WDHD1: variants seen among roughly 807,000 people sequenced by gnomAD.
WDHD1 encodes WD repeat and HMG-box DNA-binding protein 1.
WDHD1 carries 111 observed loss-of-function variants against 135.4 expected under a neutral mutation model. That is an observed-to-expected ratio of 0.82 (90% CI 0.70 to 0.96). The LOEUF is 0.96. Among genes scored for constraint, WDHD1 ranks in the 40% least tolerant of loss-of-function variants. WDHD1 has a pLI of 0.00. For synonymous variants in WDHD1, 434 were observed against 439.0 expected, an observed-to-expected ratio of 0.99 and a Z score of 0.14; for missense variants, 1,351 against 1,336.3, an observed-to-expected ratio of 1.01 and a Z score of -0.17.
At chr14:55,003,382 G>A (rs1219583671) in intron 7 of WDHD1, among the ~76,000 whole-genome samples, 3 of 151,780 alleles carry the variant, frequency 2.0e-5, no homozygotes, top group Non-Finnish European at 4.4e-5. Flanking sequence ...TTGTGGGCGC[G>A]TGCCTCTAGT....
intron 18 of WDHD1, among the ~76,000 whole-genome samples, chr14:54,963,674 C>T (rs1351288213): frequency 6.6e-6 from 1 of 151,960 alleles, no homozygotes; most frequent in African/African-American, 2.4e-5. Context: ...GTGGCGTGCG[C>T]CTGTAATCCC....
Position 54,991,228 on chromosome 14 carries a change from G to T in WDHD1, c.1326C>A (p.Leu442=). 1 of 1,531,560 alleles carries T rather than the reference G, an allele frequency of 6.5e-7. No individual in the cohort carries two copies. Among genetic ancestry groups the T allele is most frequent in the Non-Finnish European group, 8.9e-7 (1 of 1,128,982 alleles). 94.9% of individuals were successfully genotyped at this position (1,531,560 alleles called of 1,614,324 possible). The change falls in exon 12 of 26, where the codon CTC becomes CTA. Residue 442 remains leucine, a synonymous_variant. Coordinates refer to ENST00000360586, the MANE Select transcript of WDHD1 (RefSeq NM_007086.4). ...CAAGTCTTACCATGAATCTGTGAGTGAGATGCAACGGTGTAGAACCTGACT... is the reference window on the plus strand; with the variant it reads ...CAAGTCTTACCATGAATCTGTGAGTTAGATGCAACGGTGTAGAACCTGACT... The part of the protein sequence containing the change: ...PFQSGSTPLH[L]THRFMVWNSI...
At chr14:55,008,189 G>C in intron 6 of WDHD1, 127 bp downstream of exon 6, 1 of 858,544 alleles carries the variant, frequency 1.2e-6, no homozygotes, top group Non-Finnish European at 1.8e-6. Flanking sequence ...CACAAAAACA[G>C]TATTTAATGG....
At chr14:55,000,035 G>C (rs79201207) in intron 10 of WDHD1, among the ~76,000 whole-genome samples, 5,162 of 152,272 alleles carry the variant, frequency 0.034, 284 homozygotes, top group African/African-American at 0.12. Context: ...TCTGCAATCT[G>C]TAACCAGAAG....
At chr14:54,960,509 T>C (rs2041233890) in intron 21 of WDHD1, among the ~76,000 whole-genome samples, 1 of 151,286 alleles carries the variant, frequency 6.6e-6, no homozygotes, top group African/African-American at 2.4e-5. Flanking sequence ...CTTCTTCTTA[T>C]TATTATTTTA....
intron 18 of WDHD1, among the ~76,000 whole-genome samples, chr14:54,966,162 A>G (rs1450099185): frequency 3.1e-4 from 12 of 38,768 alleles, no homozygotes; most frequent in Non-Finnish European, 7.8e-4. Flanking sequence ...CCCCATCTCT[A>G]CTAAAAAAAA....
chr14:54,982,309 G>A (rs919455846), intron 15 of WDHD1, among the ~76,000 whole-genome samples: 1 of 152,012 alleles, frequency 6.6e-6, no homozygotes, highest in Non-Finnish European at 1.5e-5. Context: ...GCGCCCGGCC[G>A]ATAATAATTT....
At chr14:54,977,085 T>C (rs2041537108) in intron 16 of WDHD1, among the ~76,000 whole-genome samples, 1 of 151,560 alleles carries the variant, frequency 6.6e-6, no homozygotes, top group Non-Finnish European at 1.5e-5. Flanking sequence ...AAAAATAAGG[T>C]TGTTTTTTTT....
chr14:54,992,234 T>C (rs916261620), intron 11 of WDHD1, among the ~76,000 whole-genome samples: 1 of 151,926 alleles, frequency 6.6e-6, no homozygotes, highest in Non-Finnish European at 1.5e-5. Flanking sequence ...CTCAGGCCTG[T>C]AATCCCAGCA....
chr14:55,005,540 T>G, intron 7 of WDHD1: 3 of 585,670 alleles, frequency 5.1e-6, no homozygotes, highest in South Asian at 4.3e-5. Flanking sequence ...CCTCTTCAGA[T>G]TTATGATGTA....
intron 2 of WDHD1, among the ~76,000 whole-genome samples, chr14:55,021,960 C>T (rs144917629): frequency 1.0e-3 from 154 of 152,266 alleles, no homozygotes; most frequent in African/African-American, 3.5e-3. Flanking sequence ...GGTTCTCTTC[C>T]ATAGCAATGA....
chr14:54,991,212 C>CCGGAA lies in WDHD1; in HGVS notation c.1341_1341+1insTTCCG (p.Val448PhefsTer21). The CCGGAA allele has an allele frequency of 6.9e-7, 1 of 1,438,968 alleles. No homozygotes were observed. The highest frequency in any genetic ancestry group is 1.4e-5 in the South Asian group (1 of 72,762). 89.1% of individuals were successfully genotyped at this position (1,438,968 alleles called of 1,614,324 possible). On this transcript the variant is annotated frameshift_variant and splice_region_variant. Coordinates refer to ENST00000360586, the MANE Select transcript of WDHD1 (RefSeq NM_007086.4). LOFTEE classifies it high-confidence loss of function. ...AAGTTAAGTGTAGATCCAAGTCTTA[C>CCGGAA]CATGAATCTGTGAGTGAGATGCAAC...
At chr14:55,021,847 G>A (rs2042353799) in intron 2 of WDHD1, among the ~76,000 whole-genome samples, 2 of 152,190 alleles carry the variant, frequency 1.3e-5, no homozygotes, top group African/African-American at 4.8e-5. Flanking sequence ...TCTCCAGCAG[G>A]AATTTGTTTC....
chr14:54,963,662 T>C (rs1465551763), intron 18 of WDHD1, among the ~76,000 whole-genome samples: 1 of 151,912 alleles, frequency 6.6e-6, no homozygotes, highest in Non-Finnish European at 1.5e-5. Context: ...TAGCCAGGCG[T>C]GGTGGCGTGC....
chr14:54,961,708 T>C (rs1446010829), intron 21 of WDHD1, among the ~76,000 whole-genome samples: 3 of 152,202 alleles, frequency 2.0e-5, no homozygotes, highest in Non-Finnish European at 2.9e-5. Flanking sequence ...CAAAGTAACA[T>C]ATGTCCACAG....
chr14:54,966,684 A>G (rs1456123004), intron 17 of WDHD1, 78 bp from the exon 18 acceptor site: 1 of 1,420,578 alleles, frequency 7.0e-7, no homozygotes, highest in Non-Finnish European at 9.4e-7. Flanking sequence ...ATCTTAAGAT[A>G]CCAGTTTTTG....
intron 16 of WDHD1, among the ~76,000 whole-genome samples, chr14:54,978,665 C>A (rs752074222): frequency 2.6e-5 from 4 of 151,894 alleles, no homozygotes; most frequent in Non-Finnish European, 5.9e-5. Flanking sequence ...TCAGTGATTA[C>A]AACTGTAAAG....
intron 23 of WDHD1, among the ~76,000 whole-genome samples, chr14:54,955,922 G>C (rs1443253810): frequency 7.5e-6 from 1 of 133,346 alleles, no homozygotes; most frequent in African/African-American, 2.9e-5. Flanking sequence ...TTTTGAGACG[G>C]AGTCTCACTC....
chr14:54,981,462 C>T (rs2140189844), intron 16 of WDHD1, 78 bp downstream of exon 16: 1 of 1,377,402 alleles, frequency 7.3e-7, no homozygotes, highest in Non-Finnish European at 1.0e-6. Flanking sequence ...AAGACAAATA[C>T]ACTTAAAGGG....
Sources: allele counts gnomAD v4.1 joint callset (sites outside exome capture counted in the v4.1 genomes callset), GRCh38; gene constraint gnomAD v4.1.1; transcripts MANE v1.5; gene names NCBI Gene and HGNC (gene_info 2026-07-23, HGNC 2026-07-21).